The following MELK variants were observed in gnomAD, a reference collection of about 807,000 sequenced individuals.
The protein encoded by MELK is maternal embryonic leucine zipper kinase, also known as pEg3 kinase.
MELK carries 81 observed loss-of-function variants against 85.0 expected under a neutral mutation model. That is an observed-to-expected ratio of 0.95 (90% CI 0.80 to 1.15). MELK has a LOEUF of 1.15. MELK is among the 50% of genes most tolerant of loss of function. MELK has a pLI of 0.00. For missense variants in MELK, 754 were observed against 777.5 expected (o/e 0.97, Z 0.36); for synonymous variants, 252 against 265.0 (o/e 0.95, Z 0.48).
intron 3 of MELK, 130 bp downstream of exon 3, chr9:36,583,842 T>TA: frequency 1.5e-6 from 1 of 646,116 alleles, no homozygotes. Flanking sequence ...AACGTATAGA[T>TA]CTGTGGTTTT....
intron 8 of MELK, among the ~76,000 whole-genome samples, chr9:36,608,421 A>ATG (rs1424354644): frequency 6.6e-6 from 1 of 151,110 alleles, no homozygotes; most frequent in Non-Finnish European, 1.5e-5. Context: ...ACTTGTGTAT[A>ATG]TATATATATA....
chr9:36,615,526 C>T (rs1404891570), intron 8 of MELK, among the ~76,000 whole-genome samples: 1 of 141,584 alleles, frequency 7.1e-6, no homozygotes, highest in African/African-American at 2.9e-5. Flanking sequence ...GACGGGGTGG[C>T]TGCCGGGCGG....
intron 2 of MELK, 112 bp downstream of exon 2, chr9:36,581,851 T>C (rs1822274694): frequency 1.3e-6 from 1 of 749,612 alleles, no homozygotes; most frequent in Non-Finnish European, 2.2e-6. Flanking sequence ...AAAATTCTTC[T>C]ACCTACTTCA....
At chr9:36,605,191 C>T (rs947491966) in intron 7 of MELK, among the ~76,000 whole-genome samples, 5 of 152,064 alleles carry the variant, frequency 3.3e-5, no homozygotes, top group Non-Finnish European at 7.4e-5. Context: ...GTAGTTCACT[C>T]TTTCCTGTGC....
At chr9:36,595,471 A>T (rs1824112181) in intron 5 of MELK, among the ~76,000 whole-genome samples, 2 of 151,676 alleles carry the variant, frequency 1.3e-5, no homozygotes, top group South Asian at 4.1e-4. Context: ...ACCTCAAGCT[A>T]TTCTTTCGCC....
chr9:36,659,702 A>G (rs147713642), intron 13 of MELK, among the ~76,000 whole-genome samples: 4 of 152,356 alleles, frequency 2.6e-5, no homozygotes, highest in Non-Finnish European at 4.4e-5. Flanking sequence ...TCAGCCAGGC[A>G]GCTGACAACT....
At chr9:36,668,549 G>T (rs1467157346) in intron 14 of MELK, among the ~76,000 whole-genome samples, 2 of 151,838 alleles carry the variant, frequency 1.3e-5, no homozygotes, top group East Asian at 1.9e-4. Flanking sequence ...GTCTTGCTCT[G>T]TCTCCCAGGC....
intron 10 of MELK, among the ~76,000 whole-genome samples, chr9:36,641,321 C>T (rs1402053283): frequency 6.6e-6 from 1 of 152,110 alleles, no homozygotes; most frequent in East Asian, 1.9e-4. Flanking sequence ...GGGCACATAC[C>T]ATCTCTCTCT....
At chr9:36,675,648 A>G (rs1284168264) in intron 17 of MELK, among the ~76,000 whole-genome samples, 2 of 152,120 alleles carry the variant, frequency 1.3e-5, no homozygotes, top group Non-Finnish European at 2.9e-5. Flanking sequence ...TCAGTGCTTT[A>G]GGAAGTTTTT....
rs534801686 is a variant in MELK at position 36,579,319 on chromosome 9, G to T, written c.-38-2325G>T. Among the ~76,000 whole-genome samples the T allele has an allele frequency of 5.6e-4, 85 of 151,966 alleles. 1 individual carries two copies. Among genetic ancestry groups the T allele is most frequent in the Non-Finnish European group, 1.9e-4 (13 of 67,966 alleles). On this transcript the variant is annotated intron_variant, in intron 1 of 17. Transcript: ENST00000298048. ...TGGGATTACAGGCATGAGCCACCGC[G>T]CCCAGCCTAATTTTTATATTTTTTA...
intron 15 of MELK, 111 bp from the exon 16 acceptor site, chr9:36,670,887 A>G: frequency 8.8e-7 from 1 of 1,139,322 alleles, no homozygotes; most frequent in Non-Finnish European, 1.2e-6. Context: ...TGGCCCTGGC[A>G]TACCTGAGTG....
intron 1 of MELK, among the ~76,000 whole-genome samples, chr9:36,573,582 C>A (rs756057408): frequency 6.6e-6 from 1 of 152,028 alleles, no homozygotes; most frequent in African/African-American, 2.4e-5. Flanking sequence ...CTCGGCTCAC[C>A]GCAACCTCCG....
intron 8 of MELK, among the ~76,000 whole-genome samples, chr9:36,612,506 C>T (rs1185212920): frequency 6.6e-6 from 1 of 152,228 alleles, no homozygotes; most frequent in African/African-American, 2.4e-5. Flanking sequence ...CTGCCTCAGC[C>T]TCCCAAGTAG....
At chr9:36,601,938 G>A (rs931674976) in intron 7 of MELK, among the ~76,000 whole-genome samples, 7 of 152,230 alleles carry the variant, frequency 4.6e-5, no homozygotes, top group Non-Finnish European at 7.4e-5. Flanking sequence ...TCCATTGTAT[G>A]TATATACCAC....
chr9:36,603,303 A>G (rs1825121769), intron 7 of MELK, among the ~76,000 whole-genome samples: 1 of 152,174 alleles, frequency 6.6e-6, no homozygotes, highest in Non-Finnish European at 1.5e-5. Context: ...TAAAATACTA[A>G]TAAAATAGTT....
In MELK at chr9:36,660,981, A is replaced by T. The variant is rs150101202; in HGVS notation, c.1176+3618A>T. Among the ~76,000 whole-genome samples the T allele has an allele frequency of 1.7e-3, 262 of 152,222 alleles. 1 individual carries two copies. The highest frequency in any genetic ancestry group is 6.1e-3 in the African/African-American group (255 of 41,536). Reference sequence around the variant, plus strand: ...ACTCCAGCCTGGGCAACAAGAGCAAAACTCCGTCTCAAATAAAAAACAAAC... The same window carrying T: ...ACTCCAGCCTGGGCAACAAGAGCAATACTCCGTCTCAAATAAAAAACAAAC... On this transcript the variant is annotated intron_variant, in intron 13 of 17. Transcript: ENST00000298048.
chr9:36,660,979 A>G (rs961807975), intron 13 of MELK, among the ~76,000 whole-genome samples: 3 of 152,182 alleles, frequency 2.0e-5, no homozygotes, highest in African/African-American at 7.2e-5. Context: ...CAACAAGAGC[A>G]AAACTCCGTC....
At chr9:36,602,025 G>A (rs900595244) in intron 7 of MELK, among the ~76,000 whole-genome samples, 3 of 152,144 alleles carry the variant, frequency 2.0e-5, no homozygotes, top group Non-Finnish European at 2.9e-5. Context: ...AATGTTGATA[G>A]GAATATGAGT....
intron 7 of MELK, among the ~76,000 whole-genome samples, chr9:36,603,397 G>C (rs1182872039): frequency 6.6e-6 from 1 of 151,794 alleles, no homozygotes; most frequent in Non-Finnish European, 1.5e-5. Flanking sequence ...ATTTTTCATG[G>C]GAAATGGTTT....
Sources: gnomAD v4.1 joint callset for allele counts (sites outside exome capture counted in the v4.1 genomes callset) on GRCh38, gnomAD v4.1.1 for gene constraint, MANE v1.5 for transcripts, NCBI Gene and HGNC (gene_info 2026-07-23, HGNC 2026-07-21) for gene names.